The following TMEM178B variants were observed in gnomAD, a reference collection of about 807,000 sequenced individuals.
TMEM178B encodes the protein transmembrane protein 178B.
Under a neutral mutation model 31.0 loss-of-function variants are expected in TMEM178B, and 5 were observed. That is an observed-to-expected ratio of 0.16 (90% CI 0.08 to 0.34). TMEM178B has a LOEUF of 0.34. TMEM178B is among the 10% of genes least tolerant of loss of function. The pLI is 1.00. For synonymous variants in TMEM178B, 164 were observed against 164.0 expected (o/e 1.00, Z 0.00); for missense variants, 275 against 400.3 (o/e 0.69, Z 2.67).
chr7:141,501,316 AG>A, the TMEM178B span, among the ~76,000 whole-genome samples: 1 of 150,836 alleles, frequency 6.6e-6, no homozygotes, highest in Admixed American at 6.6e-5. Flanking sequence ...ATTTATTAGG[AG>A]AAAAAAAAAA....
intron 2 of TMEM178B, among the ~76,000 whole-genome samples, chr7:141,395,465 A>G (rs913193442): frequency 2.6e-5 from 4 of 152,082 alleles, no homozygotes; most frequent in Non-Finnish European, 5.9e-5. Context: ...AAAGAATTTC[A>G]CCTCACAAGT....
At chr7:141,172,983 A>C (rs1796372534) in intron 1 of TMEM178B, 1 of 152,226 alleles carries the variant, frequency 6.6e-6, no homozygotes, top group Non-Finnish European at 1.5e-5. Flanking sequence ...CAGGGTGACC[A>C]GCTAAGTCTC....
At chr7:141,331,137 G>A (rs1386500357) in intron 2 of TMEM178B, among the ~76,000 whole-genome samples, 3 of 152,210 alleles carry the variant, frequency 2.0e-5, no homozygotes, top group Non-Finnish European at 1.5e-5. Context: ...GAGCTATTAA[G>A]TAGGCAAGTG....
chr7:141,437,557 C>A, intron 2 of TMEM178B, 51 bp from the exon 3 acceptor site: 1 of 1,530,438 alleles, frequency 6.5e-7, no homozygotes, highest in Non-Finnish European at 8.7e-7. Flanking sequence ...TATACCCTGG[C>A]CCTCAGTCCC....
chr7:141,305,678 G>A (rs1410263774), intron 2 of TMEM178B, among the ~76,000 whole-genome samples: 3 of 151,896 alleles, frequency 2.0e-5, no homozygotes, highest in Non-Finnish European at 4.4e-5. Flanking sequence ...CAAGTGATCC[G>A]CCCACCTTGG....
chr7:141,147,232 T>C (rs902312823), intron 1 of TMEM178B, among the ~76,000 whole-genome samples: 6 of 151,724 alleles, frequency 4.0e-5, no homozygotes, highest in African/African-American at 1.5e-4. Context: ...TCCTTCCCTT[T>C]CTCCTTCCCT....
chr7:141,325,047 C>T (rs76645162), intron 2 of TMEM178B, among the ~76,000 whole-genome samples: 7,297 of 152,126 alleles, frequency 0.048, 277 homozygotes, highest in East Asian at 0.17. Flanking sequence ...AAAAAAAATC[C>T]TGCCTCCTAC....
chr7:141,297,202 G>C (rs890583161), intron 2 of TMEM178B: 1 of 152,160 alleles, frequency 6.6e-6, no homozygotes, highest in Non-Finnish European at 1.5e-5. Flanking sequence ...ATTGCTAATA[G>C]TAGAGGCAAG....
intron 2 of TMEM178B, among the ~76,000 whole-genome samples, chr7:141,389,230 C>T (rs1440092122): frequency 6.6e-6 from 1 of 152,184 alleles, no homozygotes; most frequent in Non-Finnish European, 1.5e-5. Context: ...GTAAAAAACA[C>T]GTAGCTATTC....
rs115917742 is a variant in TMEM178B at position 141,418,851 on chromosome 7, G to A, written c.497-18757G>A. Among the ~76,000 whole-genome samples, 561 of 152,226 alleles carry A rather than the reference G, an allele frequency of 3.7e-3. 4 individuals are homozygous for A. Among genetic ancestry groups the A allele is most frequent in the African/African-American group, 0.013 (526 of 41,528 alleles). ...ATTAGGTGTGTATTAGGCACTTAAC[G>A]AATTAAACTTGACAAATTTCTCTTC... On this transcript the variant is annotated intron_variant, in intron 2 of 3. Transcript: ENST00000565468.
chr7:141,510,700 AAAAAAAAAAAAAG>A, the TMEM178B span, among the ~76,000 whole-genome samples: 61 of 143,678 alleles, frequency 4.2e-4, no homozygotes, highest in Middle Eastern at 6.9e-3. Flanking sequence ...AAAAAAAAAA[AAAAAAAAAAAAAG>A]AAAAAAAAAG....
At chr7:141,313,554 G>T (rs925516695) in intron 2 of TMEM178B, among the ~76,000 whole-genome samples, 3 of 152,202 alleles carry the variant, frequency 2.0e-5, no homozygotes, top group African/African-American at 7.2e-5. Context: ...CAGACTTTTA[G>T]AATGAAGGCA....
At chr7:141,150,185 A>G (rs890143446) in intron 1 of TMEM178B, among the ~76,000 whole-genome samples, 25 of 152,308 alleles carry the variant, frequency 1.6e-4, no homozygotes, top group African/African-American at 5.5e-4. Flanking sequence ...TCATTAGCAT[A>G]TAGATGGCAT....
At chr7:141,094,346 A>G (rs1794924507) in intron 1 of TMEM178B, among the ~76,000 whole-genome samples, 1 of 152,240 alleles carries the variant, frequency 6.6e-6, no homozygotes, top group African/African-American at 2.4e-5. Flanking sequence ...TTTTTAGAAG[A>G]GAGTTTCTAT....
intron 2 of TMEM178B, among the ~76,000 whole-genome samples, chr7:141,287,926 G>A (rs1798473563): frequency 1.3e-5 from 2 of 152,184 alleles, no homozygotes; most frequent in African/African-American, 4.8e-5. Context: ...ATTGCCATCT[G>A]TGAGCATTAA....
the TMEM178B span, among the ~76,000 whole-genome samples, chr7:141,499,277 G>T: frequency 4.9e-4 from 75 of 152,138 alleles, 1 homozygote; most frequent in African/African-American, 1.7e-3. Flanking sequence ...TATGAAGGGG[G>T]TGACTCTTAT....
intron 1 of TMEM178B, among the ~76,000 whole-genome samples, chr7:141,083,674 G>T (rs575902406): frequency 6.6e-6 from 1 of 152,282 alleles, no homozygotes; most frequent in East Asian, 1.9e-4. Flanking sequence ...TTGCAGTTCA[G>T]GGTTTAAAAT....
intron 2 of TMEM178B, among the ~76,000 whole-genome samples, chr7:141,342,308 G>T (rs1259474574): frequency 6.6e-6 from 1 of 152,172 alleles, no homozygotes; most frequent in Admixed American, 6.5e-5. Context: ...CAGTATCATT[G>T]GTTCTAACCT....
At chr7:141,134,923 G>A (rs556549283) in intron 1 of TMEM178B, among the ~76,000 whole-genome samples, 2 of 152,178 alleles carry the variant, frequency 1.3e-5, no homozygotes, top group Non-Finnish European at 2.9e-5. Context: ...GGGAGCCAGT[G>A]GGAGATGACT....
Sources: gnomAD v4.1 joint callset for allele counts (sites outside exome capture counted in the v4.1 genomes callset) on GRCh38, gnomAD v4.1.1 for gene constraint, MANE v1.5 for transcripts, NCBI Gene and HGNC (gene_info 2026-07-23, HGNC 2026-07-21) for gene names.